ILRUN: variants seen among roughly 807,000 people sequenced by gnomAD.
ILRUN encodes inflammation and lipid regulator with UBA-like and NBR1-like domains, also known as protein ILRUN.
ILRUN carries 3 observed loss-of-function variants against 33.8 expected under a neutral mutation model. That is an observed-to-expected ratio of 0.09 (90% CI 0.04 to 0.23). ILRUN has a LOEUF of 0.23. ILRUN is among the 10% of genes least tolerant of loss of function. ILRUN has a pLI of 1.00. For synonymous variants in ILRUN, 124 were observed against 138.9 expected (o/e 0.89, Z 0.75); for missense variants, 210 against 375.1 (o/e 0.56, Z 3.64).
rs1173668995 is a variant in ILRUN, at chr6:34,691,753, A to G, written c.158+4693T>C. Among the ~76,000 whole-genome samples, 207 of 151,940 alleles carry G rather than the reference A, an allele frequency of 1.4e-3. 1 individual carries two copies. The highest frequency in any genetic ancestry group is 4.8e-3 in the African/African-American group (200 of 41,390). On this transcript the variant is annotated intron_variant, in intron 1 of 4. Coordinates refer to ENST00000374023, the MANE Select transcript of ILRUN (RefSeq NM_024294.4). ...AGAGGTTGCAGTGAGCCAAGATCGCACCACTGCACTCCGGCCTGGGCGACA... is the reference window on the plus strand; with the variant it reads ...AGAGGTTGCAGTGAGCCAAGATCGCGCCACTGCACTCCGGCCTGGGCGACA...
intron 1 of ILRUN, among the ~76,000 whole-genome samples, chr6:34,680,547 C>T (rs1763337661): frequency 6.6e-6 from 1 of 152,078 alleles, no homozygotes; most frequent in Non-Finnish European, 1.5e-5. Context: ...TCACTGAAAC[C>T]TCTGCCTCCT....
At chr6:34,635,732 C>T (rs1321300760) in intron 3 of ILRUN, among the ~76,000 whole-genome samples, 1 of 151,244 alleles carries the variant, frequency 6.6e-6, no homozygotes, top group Non-Finnish European at 1.5e-5. Flanking sequence ...AAGTGATTCT[C>T]CTGTATCGGC....
chr6:34,627,389 T>C (rs887827601), intron 3 of ILRUN, among the ~76,000 whole-genome samples: 2 of 152,208 alleles, frequency 1.3e-5, no homozygotes, highest in Non-Finnish European at 2.9e-5. Context: ...TTTGTGTGAA[T>C]GTAAGTTTTC....
At chr6:34,620,079 T>C (rs1261350835) in intron 3 of ILRUN, among the ~76,000 whole-genome samples, 1 of 151,820 alleles carries the variant, frequency 6.6e-6, no homozygotes, top group African/African-American at 2.4e-5. Flanking sequence ...TTTGCTAGTG[T>C]TTGCTAAAAG....
chr6:34,605,881 A>T (rs970565173), intron 4 of ILRUN, among the ~76,000 whole-genome samples: 5 of 152,204 alleles, frequency 3.3e-5, no homozygotes, highest in Non-Finnish European at 7.4e-5. Flanking sequence ...CACTTGAACC[A>T]CCTACAACAA....
intron 3 of ILRUN, among the ~76,000 whole-genome samples, chr6:34,633,872 G>GGAGGGAGA (rs1226029202): frequency 4.9e-5 from 5 of 101,254 alleles, no homozygotes; most frequent in Admixed American, 1.9e-4. Context: ...AGGGAGACAT[G>GGAGGGAGA]GAGGGAGAGA....
chr6:34,590,498 C>A lies in ILRUN; in HGVS notation c.*67G>T. On this transcript the variant is annotated 3_prime_UTR_variant, in exon 5 of 5. Coordinates refer to ENST00000374023, the MANE Select transcript of ILRUN (RefSeq NM_024294.4). ...ATGTGGTCTGCAATCCAGAGGAACC[C>A]CTTGCCCTAACCCCCCAAAGTCAGG... 6.2e-7 allele frequency: 1 copy of A among 1,610,936 alleles called. No individual in the cohort carries two copies. Among genetic ancestry groups the A allele is most frequent in the Non-Finnish European group, 8.5e-7 (1 of 1,178,534 alleles).
chr6:34,637,311 G>A (rs1762383988), intron 3 of ILRUN, among the ~76,000 whole-genome samples: 1 of 152,088 alleles, frequency 6.6e-6, no homozygotes, highest in African/African-American at 2.4e-5. Flanking sequence ...CTTTAAAACA[G>A]TCAATGGTTT....
At chr6:34,680,431 TTTCTAATTTATCTGCA>T (rs1241359741) in intron 1 of ILRUN, among the ~76,000 whole-genome samples, 2 of 152,328 alleles carry the variant, frequency 1.3e-5, no homozygotes, top group East Asian at 3.9e-4. Flanking sequence ...TTACCAGTTC[TTTCTAATTTATCTGCA>T]ATGAACATAA....
intron 1 of ILRUN, among the ~76,000 whole-genome samples, chr6:34,692,066 T>C (rs552390898): frequency 1.0e-3 from 152 of 152,286 alleles, no homozygotes; most frequent in African/African-American, 3.2e-3. Context: ...CAGGCTCAAT[T>C]GATCCTTCCA....
chr6:34,661,376 G>C (rs1762883040), intron 1 of ILRUN, among the ~76,000 whole-genome samples: 1 of 152,094 alleles, frequency 6.6e-6, no homozygotes. Flanking sequence ...GTGGAATCTA[G>C]GTGGTAGGCA....
intron 3 of ILRUN, among the ~76,000 whole-genome samples, chr6:34,610,648 G>C (rs2814979): frequency 0.44 from 67,197 of 151,984 alleles, 16,849 homozygotes; most frequent in African/African-American, 0.69. Context: ...CCAAAAAAAT[G>C]TAAAATCTGA....
chr6:34,645,729 G>C (rs1762552257), intron 3 of ILRUN, among the ~76,000 whole-genome samples: 1 of 152,128 alleles, frequency 6.6e-6, no homozygotes. Context: ...TTAAAACATG[G>C]GTGTGGGGTT....
At chr6:34,684,189 T>C (rs1481653318) in intron 1 of ILRUN, among the ~76,000 whole-genome samples, 1 of 152,166 alleles carries the variant, frequency 6.6e-6, no homozygotes, top group Non-Finnish European at 1.5e-5. Context: ...CAGGGCAATA[T>C]TTAAGGCAAA....
chr6:34,595,217 GC>G (rs757197042), intron 4 of ILRUN, among the ~76,000 whole-genome samples: 3 of 152,192 alleles, frequency 2.0e-5, no homozygotes, highest in Non-Finnish European at 4.4e-5. Context: ...ATCATTCCTA[GC>G]CAGTGATGTG....
chr6:34,689,119 G>A (rs1034326957), intron 1 of ILRUN, among the ~76,000 whole-genome samples: 3 of 152,148 alleles, frequency 2.0e-5, no homozygotes, highest in Admixed American at 1.3e-4. Context: ...CAAGAGAGTG[G>A]TGGTGGTTGC....
intron 2 of ILRUN, among the ~76,000 whole-genome samples, chr6:34,652,565 C>T (rs1188617218): frequency 2.6e-5 from 4 of 152,144 alleles, no homozygotes; most frequent in Non-Finnish European, 5.9e-5. Context: ...CCAGTCTTTC[C>T]CCATCATAAA....
At chr6:34,667,451 T>A (rs1763027596) in intron 1 of ILRUN, among the ~76,000 whole-genome samples, 1 of 152,150 alleles carries the variant, frequency 6.6e-6, no homozygotes, top group Non-Finnish European at 1.5e-5. Flanking sequence ...CAAAATTAGA[T>A]AACAACCTTT....
intron 3 of ILRUN, chr6:34,617,392 A>G (rs1025251419): frequency 1.0e-4 from 30 of 288,310 alleles, no homozygotes; most frequent in Non-Finnish European, 1.9e-4. Context: ...CTAAGGCAGC[A>G]GTGTGTGCAT....
Sources: allele counts gnomAD v4.1 joint callset (sites outside exome capture counted in the v4.1 genomes callset), GRCh38; gene constraint gnomAD v4.1.1; transcripts MANE v1.5; gene names NCBI Gene and HGNC (gene_info 2026-07-23, HGNC 2026-07-21).